SND1: variants seen among roughly 807,000 people sequenced by gnomAD.
SND1 encodes the protein staphylococcal nuclease domain-containing protein 1.
SND1 carries 38 observed loss-of-function variants against 121.7 expected under a neutral mutation model. That is an observed-to-expected ratio of 0.31 (90% CI 0.24 to 0.41). SND1 has a LOEUF of 0.41. Ranked by LOEUF, SND1 falls within the 10% of genes least tolerant of loss-of-function variation. The pLI is 1.00. For synonymous variants in SND1, 401 were observed against 447.4 expected, an observed-to-expected ratio of 0.90 and a Z score of 1.31; for missense variants, 868 against 1,184.6, an observed-to-expected ratio of 0.73 and a Z score of 3.92.
At chr7:127,667,647 G>T (rs950228173) in intron 1 of SND1, among the ~76,000 whole-genome samples, 1 of 152,172 alleles carries the variant, frequency 6.6e-6, no homozygotes, top group African/African-American at 2.4e-5. Flanking sequence ...GGAAGGGGTT[G>T]CTGGACTTAA....
chr7:127,870,669 G>A (rs1178333623), intron 12 of SND1, among the ~76,000 whole-genome samples: 3 of 152,118 alleles, frequency 2.0e-5, no homozygotes, highest in East Asian at 3.9e-4. Flanking sequence ...GGTACTTACC[G>A]TGAATGGAGC....
At chr7:128,036,701 C>T (rs952828502) in intron 16 of SND1, among the ~76,000 whole-genome samples, 5 of 152,276 alleles carry the variant, frequency 3.3e-5, no homozygotes, top group African/African-American at 9.6e-5. Flanking sequence ...CTGTCAGGCT[C>T]GAGTGATGGG....
intron 11 of SND1, among the ~76,000 whole-genome samples, chr7:127,829,937 G>A (rs898859415): frequency 6.6e-6 from 1 of 152,184 alleles, no homozygotes; most frequent in African/African-American, 2.4e-5. Flanking sequence ...CAGTGAATTG[G>A]ATAAGCATGA....
chr7:127,740,589 G>A (rs1284743836), intron 10 of SND1, among the ~76,000 whole-genome samples: 1 of 152,136 alleles, frequency 6.6e-6, no homozygotes, highest in Non-Finnish European at 1.5e-5. Flanking sequence ...TTTTAATGCA[G>A]CTCTCAACCC....
intron 15 of SND1, among the ~76,000 whole-genome samples, chr7:127,978,827 C>T (rs1194026438): frequency 2.6e-5 from 4 of 152,170 alleles, no homozygotes; most frequent in African/African-American, 9.7e-5. Flanking sequence ...GCTGGGATTA[C>T]AGGCGCACAC....
At chr7:127,923,566 A>G (rs918364114) in intron 14 of SND1, among the ~76,000 whole-genome samples, 1 of 152,196 alleles carries the variant, frequency 6.6e-6, no homozygotes. Context: ...AGAGATGATC[A>G]TGCTGTATAA....
At chr7:128,053,552 A>C (rs1793083086) in intron 16 of SND1, among the ~76,000 whole-genome samples, 1 of 152,162 alleles carries the variant, frequency 6.6e-6, no homozygotes, top group African/African-American at 2.4e-5. Flanking sequence ...AAAATTGTTC[A>C]AAAGACAGAA....
chr7:127,692,992 A>C (rs1795947737), intron 2 of SND1, among the ~76,000 whole-genome samples: 1 of 152,198 alleles, frequency 6.6e-6, no homozygotes, highest in African/African-American at 2.4e-5. Context: ...TTTTCACCAA[A>C]GTCTTGGCCT....
At chr7:127,875,558 G>T (rs964629492) in intron 12 of SND1, among the ~76,000 whole-genome samples, 3 of 152,152 alleles carry the variant, frequency 2.0e-5, no homozygotes, top group African/African-American at 7.2e-5. Context: ...TGGCACTGTT[G>T]AGTCAAAAGA....
At chr7:127,953,220 G>A (rs199676865) in intron 15 of SND1, among the ~76,000 whole-genome samples, 14 of 59,742 alleles carry the variant, frequency 2.3e-4, no homozygotes, top group African/African-American at 7.4e-4. Context: ...GTGTGTGTGT[G>A]TATGTATGAA....
In SND1 at chr7:127,686,663, T is replaced by A. The variant is rs567874929; in HGVS notation, c.129T>A (p.Pro43=). ...TCCGAGGTCAGCCTCGTGGTGGGCC[T>A]CCTCCTGAGCGGCAGATCAACCTCA... ...IIVRGQPRGG[P]PPERQINLSN... Residue 43 remains proline (P), a synonymous_variant, in exon 2 of 24, where the codon CCT becomes CCA. Transcript: ENST00000354725. 9.9e-5 allele frequency: 160 copies of A among 1,614,018 alleles called. No homozygotes were observed. The highest frequency in any genetic ancestry group is 1.3e-4 in the Non-Finnish European group (154 of 1,180,022).
At chr7:127,752,585 G>A (rs1797116189) in intron 10 of SND1, among the ~76,000 whole-genome samples, 1 of 152,162 alleles carries the variant, frequency 6.6e-6, no homozygotes, top group Non-Finnish European at 1.5e-5. Context: ...CAGGATACTT[G>A]ATTTTCTATA....
chr7:127,843,604 G>A (rs975687058), intron 11 of SND1, among the ~76,000 whole-genome samples: 1 of 151,982 alleles, frequency 6.6e-6, no homozygotes, highest in Non-Finnish European at 1.5e-5. Context: ...ATAATATTCT[G>A]TCATCTGGAT....
At chr7:127,725,416 TC>T (rs1489064256) in intron 10 of SND1, among the ~76,000 whole-genome samples, 1 of 152,222 alleles carries the variant, frequency 6.6e-6, no homozygotes, top group Non-Finnish European at 1.5e-5. Context: ...GCTCCTGTTC[TC>T]CCTTTGTCCG....
chr7:127,657,846 C>T (rs750583980), intron 1 of SND1, among the ~76,000 whole-genome samples: 9 of 152,078 alleles, frequency 5.9e-5, no homozygotes, highest in East Asian at 1.9e-4. Flanking sequence ...AGTTCCTTCA[C>T]GTTCAGTATC....
At chr7:127,942,262 A>G (rs1376527773) in intron 15 of SND1, among the ~76,000 whole-genome samples, 1 of 152,206 alleles carries the variant, frequency 6.6e-6, no homozygotes, top group Non-Finnish European at 1.5e-5. Flanking sequence ...ATTTTTGACA[A>G]GCATTTATAT....
chr7:127,717,316 A>G (rs962053581), intron 9 of SND1, among the ~76,000 whole-genome samples: 1 of 152,136 alleles, frequency 6.6e-6, no homozygotes, highest in Non-Finnish European at 1.5e-5. Flanking sequence ...TTTAGTTGTC[A>G]TATCTCCTTA....
chr7:127,733,204 T>C (rs1796710988), intron 10 of SND1, among the ~76,000 whole-genome samples: 1 of 152,178 alleles, frequency 6.6e-6, no homozygotes, highest in Non-Finnish European at 1.5e-5. Context: ...CTTTTCTCCC[T>C]TTACCTTAAG....
chr7:127,681,757 A>G (rs542985489), intron 1 of SND1, among the ~76,000 whole-genome samples: 1 of 152,280 alleles, frequency 6.6e-6, no homozygotes, highest in African/African-American at 2.4e-5. Flanking sequence ...TCCCCATCAA[A>G]TTATCCTGGC....
Sources: allele counts gnomAD v4.1 joint callset (sites outside exome capture counted in the v4.1 genomes callset), GRCh38; gene constraint gnomAD v4.1.1; transcripts MANE v1.5; gene names NCBI Gene and HGNC (gene_info 2026-07-23, HGNC 2026-07-21).